The following APPBP2 variants were observed in gnomAD, a reference collection of about 807,000 sequenced individuals.
The protein encoded by APPBP2 is amyloid beta precursor protein binding protein 2.
A neutral mutation model predicts 76.0 loss-of-function variants in APPBP2; 15 were observed. The ratio of observed to expected loss-of-function variants is 0.20; its 90% CI spans 0.13 to 0.30. APPBP2 has a LOEUF of 0.30. Among genes scored for constraint, APPBP2 ranks in the 10% least tolerant of loss-of-function variants. The pLI, the probability that APPBP2 is intolerant of heterozygous loss-of-function variation, is 1.00. For missense variants in APPBP2, 401 were observed against 687.2 expected, an observed-to-expected ratio of 0.58 and a Z score of 4.66; for synonymous variants, 222 against 242.2, an observed-to-expected ratio of 0.92 and a Z score of 0.77.
chr17:60,458,228 G>C (rs1312489574), intron 9 of APPBP2, among the ~76,000 whole-genome samples: 3 of 152,172 alleles, frequency 2.0e-5, no homozygotes, highest in Non-Finnish European at 2.9e-5. Context: ...GAGGTCAGGA[G>C]ATCGAGACCA....
chr17:60,488,964 T>C (rs2085076612), intron 3 of APPBP2, among the ~76,000 whole-genome samples: 1 of 152,166 alleles, frequency 6.6e-6, no homozygotes, highest in Non-Finnish European at 1.5e-5. Flanking sequence ...GGCTCATGCC[T>C]GTAATCCCAG....
At chr17:60,492,211 G>A (rs2090735642) in intron 3 of APPBP2, among the ~76,000 whole-genome samples, 1 of 152,212 alleles carries the variant, frequency 6.6e-6, no homozygotes, top group East Asian at 1.9e-4. Context: ...CTAGACTTCA[G>A]AATGTATGGG....
chr17:60,506,416 A>G (rs1325265254), intron 1 of APPBP2, among the ~76,000 whole-genome samples: 1 of 152,218 alleles, frequency 6.6e-6, no homozygotes, highest in Non-Finnish European at 1.5e-5. Context: ...CTACCTCTAC[A>G]TGAAGCACTG....
intron 3 of APPBP2, among the ~76,000 whole-genome samples, chr17:60,489,954 G>C (rs1452586936): frequency 6.6e-6 from 1 of 151,910 alleles, no homozygotes; most frequent in Non-Finnish European, 1.5e-5. Flanking sequence ...AGAATAGCTT[G>C]AACACAAGAG....
intron 1 of APPBP2, among the ~76,000 whole-genome samples, chr17:60,523,530 T>C (rs1407724045): frequency 1.3e-5 from 2 of 152,030 alleles, no homozygotes; most frequent in African/African-American, 2.4e-5. Context: ...ATGCTAATAG[T>C]GTTTAAAAGG....
At chr17:60,489,569 C>T (rs2090708913) in intron 3 of APPBP2, among the ~76,000 whole-genome samples, 1 of 147,070 alleles carries the variant, frequency 6.8e-6, no homozygotes, top group African/African-American at 2.6e-5. Context: ...TGAGATCGTG[C>T]CACTGCACTC....
intron 1 of APPBP2, among the ~76,000 whole-genome samples, chr17:60,521,151 G>A (rs1016578764): frequency 2.0e-5 from 3 of 152,034 alleles, no homozygotes; most frequent in Non-Finnish European, 4.4e-5. Context: ...ATGGTTGCAC[G>A]CCCTTGGAGA....
chr17:60,526,006 C>T lies in APPBP2; in HGVS notation c.-75G>A. The T allele has an allele frequency of 6.9e-7, 1 of 1,445,738 alleles. No homozygotes were observed. The allele number at this position is 1,445,738 out of a possible 1,614,324, so 89.6% of individuals were successfully genotyped here. On this transcript the variant is annotated 5_prime_UTR_variant, in exon 1 of 13. Coordinates refer to ENST00000083182, the MANE Select transcript of APPBP2 (RefSeq NM_006380.5). ...CCACCTCCCTCCGTAGCGAACCCCT[C>T]TGCGGCCCCGGAGGATTCGGAGGGG...
chr17:60,487,914 T>C (rs985966650), intron 3 of APPBP2, among the ~76,000 whole-genome samples: 2 of 152,258 alleles, frequency 1.3e-5, no homozygotes, highest in African/African-American at 4.8e-5. Flanking sequence ...GTCGATGCTA[T>C]TCCTTTCTGT....
At chr17:60,504,581 C>T (rs754529549) in intron 1 of APPBP2, among the ~76,000 whole-genome samples, 1 of 152,178 alleles carries the variant, frequency 6.6e-6, no homozygotes, top group African/African-American at 2.4e-5. Flanking sequence ...GCTAACATTG[C>T]TTTCCTAAGC....
chr17:60,456,347 G>A lies in APPBP2; in HGVS notation c.1096C>T (p.His366Tyr). The A allele has an allele frequency of 6.2e-7, 1 of 1,610,892 alleles. No individual in the cohort carries two copies. The highest frequency in any genetic ancestry group is 8.5e-7 in the Non-Finnish European group (1 of 1,177,268). ...AGAAGATGATCTTCAGGTAGGATGT[G>A]GGTAATGATACCAATAGCTCTTTCT... Reference protein sequence around the residue: ...HAERAIGIITHILPEDHLLLA... With the variant: ...HAERAIGIITYILPEDHLLLA... Residue 366 changes from histidine (H) to tyrosine (Y), a missense_variant, in exon 10 of 13, where the codon CAC becomes TAC. Coordinates refer to ENST00000083182, the MANE Select transcript of APPBP2 (RefSeq NM_006380.5).
chr17:60,453,029 C>T (rs1001918380), intron 11 of APPBP2, among the ~76,000 whole-genome samples: 3 of 152,158 alleles, frequency 2.0e-5, no homozygotes, highest in African/African-American at 7.2e-5. Context: ...TCTGACATTT[C>T]TTGCACACCT....
At chr17:60,460,889 T>C in intron 8 of APPBP2, 102 bp from the exon 9 acceptor site, 1 of 1,200,192 alleles carries the variant, frequency 8.3e-7, no homozygotes, top group East Asian at 2.8e-5. Context: ...CCTAACACCA[T>C]AAAATTTTGA....
At chr17:60,489,228 A>G (rs1409823521) in intron 3 of APPBP2, among the ~76,000 whole-genome samples, 1 of 151,578 alleles carries the variant, frequency 6.6e-6, no homozygotes, top group African/African-American at 2.4e-5. Flanking sequence ...TCTCAAATAA[A>G]AAAAAAGAAA....
chr17:60,524,764 G>T (rs1415798345), intron 1 of APPBP2, among the ~76,000 whole-genome samples: 1 of 152,258 alleles, frequency 6.6e-6, no homozygotes, highest in South Asian at 2.1e-4. Context: ...TACAGATCAA[G>T]AGGAAGTATT....
intron 3 of APPBP2, among the ~76,000 whole-genome samples, chr17:60,494,229 G>C (rs529116340): frequency 6.6e-6 from 1 of 152,168 alleles, no homozygotes; most frequent in Non-Finnish European, 1.5e-5. Context: ...TTCTGAGTCT[G>C]TTTCCTCATT....
chr17:60,509,609 C>T (rs4327109), intron 1 of APPBP2, among the ~76,000 whole-genome samples: 12,497 of 152,108 alleles, frequency 0.082, 1,702 homozygotes, highest in African/African-American at 0.28. Context: ...TTGAGACCAG[C>T]CTGACTAACA....
rs113496906 is a variant in APPBP2 at position 60,459,442 on chromosome 17, A to G, written c.1061+1221T>C. 3.7e-3 allele frequency: 550 copies of G among 149,410 alleles called. 3 individuals carry two copies. Among genetic ancestry groups the G allele is most frequent in the Admixed American group, 6.1e-3 (91 of 15,008 alleles). The allele number at this position is 149,410 out of a possible 1,614,324, so 9.3% of individuals were successfully genotyped here. ...AGATGGCCAACTTTCCCTGTCATCTATTAATTAGATAGATGTCCACCTGTC... is the reference window on the plus strand; with the variant it reads ...AGATGGCCAACTTTCCCTGTCATCTGTTAATTAGATAGATGTCCACCTGTC... On this transcript the variant is annotated intron_variant, in intron 9 of 12. Coordinates refer to ENST00000083182, the MANE Select transcript of APPBP2 (RefSeq NM_006380.5).
chr17:60,506,288 CT>C (rs1347784421), intron 1 of APPBP2, among the ~76,000 whole-genome samples: 1 of 152,226 alleles, frequency 6.6e-6, no homozygotes, highest in African/African-American at 2.4e-5. Flanking sequence ...GCCACTGCCC[CT>C]GGCCTTGACG....
Sources: allele counts gnomAD v4.1 joint callset (sites outside exome capture counted in the v4.1 genomes callset), GRCh38; gene constraint gnomAD v4.1.1; transcripts MANE v1.5; gene names NCBI Gene and HGNC (gene_info 2026-07-23, HGNC 2026-07-21).